ZNRF2: variants seen among roughly 807,000 people sequenced by gnomAD.
ZNRF2 encodes E3 ubiquitin-protein ligase ZNRF2.
ZNRF2 carries 16 observed loss-of-function variants against 20.4 expected under a neutral mutation model. The observed-to-expected ratio is 0.79, with a 90% CI of 0.53 to 1.19. The LOEUF is 1.19. Ranked by LOEUF, ZNRF2 falls within the 50% of genes most tolerant of loss-of-function variation. The probability of loss-of-function intolerance (pLI) is 0.00; values close to 1 mark genes in which losing one functional copy is unlikely to be tolerated. For synonymous variants in ZNRF2, 178 were observed against 144.9 expected (o/e 1.23, Z -1.64); for missense variants, 363 against 332.4 (o/e 1.09, Z -0.72).
chr7:30,346,170 A>AT lies in ZNRF2; in HGVS notation c.566-9524dup, dbSNP rs70980598. Among the ~76,000 whole-genome samples the AT allele has an allele frequency of 3.3e-3, 78 of 23,690 alleles. 15 individuals are homozygous for AT. Among genetic ancestry groups the AT allele is most frequent in the Non-Finnish European group, 5.8e-3 (59 of 10,188 alleles). 15.5% of individuals were successfully genotyped at this position (23,690 alleles called of 152,430 possible). ...TGTTTTTTTTTTTCTGTTAAGTCTG[A>AT]TTTTTTTTTTTTTTTTTTTTTTTTT... On this transcript the variant is annotated intron_variant, in intron 2 of 4. Transcript: ENST00000323037.
At chr7:30,311,213 G>A (rs1056869381) in intron 1 of ZNRF2, among the ~76,000 whole-genome samples, 1 of 152,026 alleles carries the variant, frequency 6.6e-6, no homozygotes. Context: ...AGTCAATAGG[G>A]GTCCGGCACA....
chr7:30,302,269 A>C (rs1196136755), intron 1 of ZNRF2, among the ~76,000 whole-genome samples: 1 of 152,150 alleles, frequency 6.6e-6, no homozygotes, highest in Non-Finnish European at 1.5e-5. Flanking sequence ...GTTCTTTTGT[A>C]TTTTCGCTGG....
chr7:30,303,441 C>G (rs1319197990), intron 1 of ZNRF2, among the ~76,000 whole-genome samples: 1 of 152,078 alleles, frequency 6.6e-6, no homozygotes, highest in Non-Finnish European at 1.5e-5. Context: ...GGGCTCCACT[C>G]CAAGTTTCTG....
intron 1 of ZNRF2, among the ~76,000 whole-genome samples, chr7:30,298,084 T>C (rs1799047053): frequency 6.6e-6 from 1 of 152,156 alleles, no homozygotes; most frequent in Non-Finnish European, 1.5e-5. Context: ...TCTGTAATTT[T>C]AATTTTTAAC....
Position 30,285,273 on chromosome 7 carries a change from G to T in ZNRF2, c.-85G>T. On this transcript the variant is annotated 5_prime_UTR_variant, in exon 1 of 5. Coordinates refer to ENST00000323037, the MANE Select transcript of ZNRF2 (RefSeq NM_147128.4). The stretch of plus-strand genomic sequence containing the variant: ...TCTCTGGGCCGGCCGCGGCGCCTGG[G>T]CCCTGCCCTCTAGCTCCCGCGCTCG... The T allele has an allele frequency of 2.1e-6, 2 of 975,522 alleles. No homozygotes were observed. The highest frequency in any genetic ancestry group is 2.5e-6 in the Non-Finnish European group (2 of 807,146). 60.4% of individuals were successfully genotyped at this position (975,522 alleles called of 1,614,324 possible).
chr7:30,356,554 TA>T (rs1464464816), intron 3 of ZNRF2, among the ~76,000 whole-genome samples: 2 of 151,954 alleles, frequency 1.3e-5, no homozygotes, highest in African/African-American at 2.4e-5. Context: ...CATTTGAAAG[TA>T]AAAGGATAGA....
chr7:30,356,225 C>T (rs1328723174), intron 3 of ZNRF2, among the ~76,000 whole-genome samples: 1 of 151,926 alleles, frequency 6.6e-6, no homozygotes, highest in African/African-American at 2.4e-5. Flanking sequence ...ACTCCAAAAC[C>T]TGTCTGCTTT....
In ZNRF2 at chr7:30,354,784, C is replaced by T. The variant is rs570756205; in HGVS notation, c.566-944C>T. On this transcript the variant is annotated intron_variant, in intron 2 of 4. Transcript: ENST00000323037. ...CTGCTTTAGCTTTCCATTCTGTAAA[C>T]GAAGAACATATACTCTGGAGCAGTT... Among the ~76,000 whole-genome samples, 116 of 152,118 alleles carry T rather than the reference C, an allele frequency of 7.6e-4. 1 individual carries two copies. Among genetic ancestry groups the T allele is most frequent in the African/African-American group, 5.8e-4 (24 of 41,502 alleles).
chr7:30,324,905 G>GA (rs943302005), intron 2 of ZNRF2, among the ~76,000 whole-genome samples: 3 of 152,136 alleles, frequency 2.0e-5, no homozygotes, highest in Admixed American at 2.0e-4. Flanking sequence ...CCTAATGGGA[G>GA]AAAAAAGTCA....
chr7:30,356,512 T>A lies in ZNRF2; in HGVS notation c.671+679T>A, dbSNP rs1462772370. ...TTGAAAGGTTGGGATAGGTAGTTGA[T>A]AAACAACACATTTGAACATAAGTAT... On this transcript the variant is annotated intron_variant, in intron 3 of 4. Coordinates refer to ENST00000323037, the MANE Select transcript of ZNRF2 (RefSeq NM_147128.4). Among the ~76,000 whole-genome samples, 5 of 152,170 alleles carry A rather than the reference T, an allele frequency of 3.3e-5. No homozygotes were observed. In the East Asian group the frequency reaches 9.7e-4, roughly 29 times the overall value.
intron 1 of ZNRF2, among the ~76,000 whole-genome samples, chr7:30,301,687 A>C (rs2128057835): frequency 7.1e-6 from 1 of 141,824 alleles, no homozygotes; most frequent in Non-Finnish European, 1.5e-5. Flanking sequence ...CTACAGGATA[A>C]TGAGGCTTTT....
At chr7:30,333,886 A>G (rs946094643) in intron 2 of ZNRF2, among the ~76,000 whole-genome samples, 1 of 152,138 alleles carries the variant, frequency 6.6e-6, no homozygotes, top group African/African-American at 2.4e-5. Flanking sequence ...TTATAGATTC[A>G]GGATATTAGT....
intron 3 of ZNRF2, among the ~76,000 whole-genome samples, chr7:30,358,490 T>A (rs1348224348): frequency 6.6e-6 from 1 of 152,110 alleles, no homozygotes; most frequent in Non-Finnish European, 1.5e-5. Context: ...TTACCTCAGA[T>A]TGATCTATAT....
intron 1 of ZNRF2, among the ~76,000 whole-genome samples, chr7:30,297,568 T>G (rs982122367): frequency 3.3e-5 from 5 of 152,198 alleles, no homozygotes; most frequent in African/African-American, 1.2e-4. Flanking sequence ...TAAAATGTGT[T>G]GCCTTGTTGC....
intron 2 of ZNRF2, among the ~76,000 whole-genome samples, chr7:30,337,681 A>T (rs1799736475): frequency 6.6e-6 from 1 of 152,028 alleles, no homozygotes; most frequent in Non-Finnish European, 1.5e-5. Context: ...ACCCATGGAG[A>T]ATTGTCTTCC....
intron 2 of ZNRF2, among the ~76,000 whole-genome samples, chr7:30,350,820 C>CA (rs1171659893): frequency 6.6e-6 from 1 of 151,808 alleles, no homozygotes; most frequent in African/African-American, 2.4e-5. Flanking sequence ...GGTTCAAGAA[C>CA]AAAAAATAAG....
chr7:30,286,416 A>T lies in ZNRF2; in HGVS notation c.469+590A>T, dbSNP rs572806580. ...AAACCTCACTAAACTGCTACTTAAG[A>T]TCACAGTTAATGTGAGTCCTGCTTA... On this transcript the variant is annotated intron_variant, in intron 1 of 4. Coordinates refer to ENST00000323037, the MANE Select transcript of ZNRF2 (RefSeq NM_147128.4). 2.0e-5 allele frequency among the ~76,000 whole-genome samples: 3 copies of T among 152,380 alleles called. No individual in the cohort carries two copies. The South Asian group carries it at 6.2e-4, about 32-fold the overall frequency.
In ZNRF2 at chr7:30,366,236, T is replaced by A. The variant is rs1322970459; in HGVS notation, c.*224T>A. The stretch of plus-strand genomic sequence containing the variant: ...CAGAACTCAGTGTACCAAACATGCA[T>A]ACAAAGGACACACAGGGATTTTGAA... On this transcript the variant is annotated 3_prime_UTR_variant, in exon 5 of 5. Transcript: ENST00000323037. 1 of 152,602 alleles carries A rather than the reference T, an allele frequency of 6.6e-6. No homozygotes were observed. Among genetic ancestry groups the A allele is most frequent in the Non-Finnish European group, 1.5e-5 (1 of 68,020 alleles). The allele number at this position is 152,602 out of a possible 1,614,324, so 9.5% of individuals were successfully genotyped here.
intron 2 of ZNRF2, among the ~76,000 whole-genome samples, chr7:30,346,384 G>C (rs1799879857): frequency 1.3e-5 from 2 of 151,672 alleles, no homozygotes; most frequent in South Asian, 4.2e-4. Flanking sequence ...AGTAGAGACA[G>C]CATTTCACCA....
Sources: allele counts gnomAD v4.1 joint callset (sites outside exome capture counted in the v4.1 genomes callset), GRCh38; gene constraint gnomAD v4.1.1; transcripts MANE v1.5; gene names NCBI Gene and HGNC (gene_info 2026-07-23, HGNC 2026-07-21).